Variants in DPP10 observed in about 807,000 individuals in gnomAD.
DPP10 encodes inactive dipeptidyl peptidase 10.
DPP10 carries 33 observed loss-of-function variants against 120.9 expected under a neutral mutation model. The observed-to-expected ratio is 0.27, with a 90% CI of 0.21 to 0.37. DPP10 has a LOEUF of 0.37. DPP10 is among the 10% of genes least tolerant of loss of function. DPP10 has a pLI of 1.00. For missense variants in DPP10, 816 were observed against 942.8 expected (o/e 0.87, Z 1.76); for synonymous variants, 337 against 326.1 (o/e 1.03, Z -0.36).
chr2:115,337,731 C>T (rs2063229582), intron 2 of DPP10, among the ~76,000 whole-genome samples: 1 of 141,206 alleles, frequency 7.1e-6, no homozygotes, highest in Non-Finnish European at 1.5e-5. Context: ...AAAAGAGAAG[C>T]TTAATTATTC....
intron 5 of DPP10, among the ~76,000 whole-genome samples, chr2:115,619,625 G>T (rs2084797651): frequency 6.6e-6 from 1 of 152,138 alleles, no homozygotes; most frequent in Admixed American, 6.6e-5. Context: ...ACAGTCACCT[G>T]TCCATCTCCA....
chr2:115,204,992 A>G (rs1327578545), intron 1 of DPP10, among the ~76,000 whole-genome samples: 1 of 151,784 alleles, frequency 6.6e-6, no homozygotes, highest in Non-Finnish European at 1.5e-5. Context: ...CAGATATTAG[A>G]TCTTTGTTGG....
At chr2:114,764,434 G>A (rs977773062) in intron 1 of DPP10, among the ~76,000 whole-genome samples, 1 of 151,588 alleles carries the variant, frequency 6.6e-6, no homozygotes, top group African/African-American at 2.4e-5. Flanking sequence ...TGTAGGCCTA[G>A]AAAGACATTA....
chr2:115,376,142 T>C (rs894446681), intron 3 of DPP10, among the ~76,000 whole-genome samples: 8 of 152,176 alleles, frequency 5.3e-5, no homozygotes, highest in Non-Finnish European at 1.0e-4. Flanking sequence ...AAAACAAATA[T>C]TCATTTGTCT....
chr2:114,846,356 AGAC>A (rs1426472151), intron 1 of DPP10, among the ~76,000 whole-genome samples: 1 of 152,154 alleles, frequency 6.6e-6, no homozygotes, highest in Non-Finnish European at 1.5e-5. Flanking sequence ...TTCCAGAGGA[AGAC>A]TATGGGGTTC....
At chr2:115,624,161 T>C (rs2085186463) in intron 5 of DPP10, among the ~76,000 whole-genome samples, 1 of 152,190 alleles carries the variant, frequency 6.6e-6, no homozygotes, top group Non-Finnish European at 1.5e-5. Flanking sequence ...CAAGGAAAGA[T>C]GATATAATAG....
intron 1 of DPP10, among the ~76,000 whole-genome samples, chr2:114,598,373 A>G (rs1359629796): frequency 1.3e-5 from 2 of 151,800 alleles, no homozygotes; most frequent in Non-Finnish European, 2.9e-5. Context: ...GGGAAAGAGG[A>G]TGGAGAGAGG....
At chr2:115,644,159 A>AAT (rs760047268) in intron 5 of DPP10, among the ~76,000 whole-genome samples, 55 of 151,680 alleles carry the variant, frequency 3.6e-4, no homozygotes, top group Admixed American at 1.2e-3. Flanking sequence ...TCTTTTTTTA[A>AAT]ATATATATAT....
At chr2:114,530,388 G>A (rs1362583996) in intron 1 of DPP10, among the ~76,000 whole-genome samples, 1 of 152,150 alleles carries the variant, frequency 6.6e-6, no homozygotes, top group African/African-American at 2.4e-5. Flanking sequence ...AAAATGAAGA[G>A]CACTTGAATG....
intron 5 of DPP10, among the ~76,000 whole-genome samples, chr2:115,548,465 T>G (rs905930815): frequency 6.6e-6 from 1 of 152,038 alleles, no homozygotes; most frequent in South Asian, 2.1e-4. Context: ...GACACAGAAG[T>G]ACAGACAAGG....
At chr2:115,777,005 A>G (rs1434478184) in intron 13 of DPP10, among the ~76,000 whole-genome samples, 1 of 152,006 alleles carries the variant, frequency 6.6e-6, no homozygotes, top group East Asian at 1.9e-4. Flanking sequence ...TGACTTTTCT[A>G]TAGTTGAAAT....
chr2:115,764,488 T>G (rs1357988522), intron 12 of DPP10, among the ~76,000 whole-genome samples: 7 of 152,000 alleles, frequency 4.6e-5, no homozygotes, highest in African/African-American at 1.7e-4. Context: ...ATACAGAAAA[T>G]AAGAACAATG....
intron 1 of DPP10, among the ~76,000 whole-genome samples, chr2:115,053,201 G>A (rs559898679): frequency 6.6e-6 from 1 of 152,106 alleles, no homozygotes; most frequent in African/African-American, 2.4e-5. Flanking sequence ...GTAGCCAAAA[G>A]GTGGAAATAA....
intron 1 of DPP10, among the ~76,000 whole-genome samples, chr2:114,754,182 G>A (rs1679514709): frequency 6.6e-6 from 1 of 152,120 alleles, no homozygotes; most frequent in African/African-American, 2.4e-5. Flanking sequence ...TGCTAATCAT[G>A]GGACAGGGTA....
At chr2:115,639,071 T>C (rs2086576113) in intron 5 of DPP10, among the ~76,000 whole-genome samples, 1 of 152,060 alleles carries the variant, frequency 6.6e-6, no homozygotes, top group Non-Finnish European at 1.5e-5. Flanking sequence ...TGCCCAGTGG[T>C]AGGTTTGGGG....
chr2:114,639,630 G>A (rs1695559556), intron 1 of DPP10, among the ~76,000 whole-genome samples: 1 of 151,760 alleles, frequency 6.6e-6, no homozygotes, highest in Non-Finnish European at 1.5e-5. Flanking sequence ...ACCTGCACAT[G>A]TACCCCTTTA....
intron 8 of DPP10, among the ~76,000 whole-genome samples, chr2:115,730,385 T>C (rs73950507): frequency 0.061 from 9,239 of 152,172 alleles, 745 homozygotes; most frequent in African/African-American, 0.18. Context: ...GTGGCAGACA[T>C]AGTGAGCAAG....
intron 1 of DPP10, among the ~76,000 whole-genome samples, chr2:114,489,441 T>C (rs1681794663): frequency 2.0e-5 from 3 of 152,160 alleles, no homozygotes; most frequent in Admixed American, 6.6e-5. Context: ...CCAATTCCTG[T>C]GATTCTTAAT....
chr2:115,200,535 C>T (rs1335205712), intron 1 of DPP10, among the ~76,000 whole-genome samples: 4 of 152,188 alleles, frequency 2.6e-5, no homozygotes, highest in Non-Finnish European at 4.4e-5. Flanking sequence ...AATGACTATT[C>T]ATTATGCGGA....
Sources: allele counts gnomAD v4.1 joint callset (sites outside exome capture counted in the v4.1 genomes callset), GRCh38; gene constraint gnomAD v4.1.1; transcripts MANE v1.5; gene names NCBI Gene and HGNC (gene_info 2026-07-23, HGNC 2026-07-21).